LAMB3: variants seen among roughly 807,000 people sequenced by gnomAD.
LAMB3 encodes laminin subunit beta-3.
LAMB3 carries 104 observed loss-of-function variants against 140.3 expected under a neutral mutation model. That is an observed-to-expected ratio of 0.74 (90% CI 0.63 to 0.87). The LOEUF (loss-of-function observed/expected upper bound fraction) is 0.87. Ranked by LOEUF, LAMB3 falls within the 40% of genes least tolerant of loss-of-function variation. The probability of loss-of-function intolerance (pLI) is 0.00; values close to 1 mark genes in which losing one functional copy is unlikely to be tolerated. For missense variants in LAMB3, 1,531 were observed against 1,575.2 expected (o/e 0.97, Z 0.47); for synonymous variants, 592 against 602.9 (o/e 0.98, Z 0.26).
At chr1:209,643,202 T>C (rs1357840251) in intron 3 of LAMB3, among the ~76,000 whole-genome samples, 1 of 152,222 alleles carries the variant, frequency 6.6e-6, no homozygotes, top group East Asian at 1.9e-4. Context: ...TGGGTCTCAG[T>C]TTCCCTTTCT....
intron 11 of LAMB3, among the ~76,000 whole-genome samples, 176 bp downstream of exon 11, chr1:209,627,859 G>A (rs948891668): frequency 2.0e-5 from 3 of 152,252 alleles, no homozygotes; most frequent in Non-Finnish European, 4.4e-5. Context: ...CACAGCATCT[G>A]GCGCTGGGTA....
chr1:209,617,215 G>C (rs1665998840), intron 21 of LAMB3, among the ~76,000 whole-genome samples, 195 bp downstream of exon 21: 2 of 152,224 alleles, frequency 1.3e-5, no homozygotes, highest in Non-Finnish European at 2.9e-5. Context: ...CAGTGTCCCT[G>C]AGCCAGCTAT....
At chr1:209,645,545 G>C (rs1251104509) in intron 3 of LAMB3, among the ~76,000 whole-genome samples, 3 of 152,014 alleles carry the variant, frequency 2.0e-5, no homozygotes, top group Non-Finnish European at 4.4e-5. Flanking sequence ...GTGAAACCCT[G>C]TCTCTACTAA....
rs186819490 is a variant in LAMB3 at position 209,633,400 on chromosome 1, T to C, written c.565-267A>G. Among the ~76,000 whole-genome samples the C allele has an allele frequency of 2.0e-3, 304 of 152,000 alleles. 4 individuals are homozygous for C. The highest frequency in any genetic ancestry group is 1.7e-3 in the Non-Finnish European group (113 of 67,980). The stretch of plus-strand genomic sequence containing the variant: ...CTAAGAATTTTCTGAGTTCCCTGGG[T>C]CAAAAAGTATGGTAAGATATATCAT... On this transcript the variant is annotated intron_variant, in intron 6 of 22. Coordinates refer to ENST00000356082, the MANE Select transcript of LAMB3 (RefSeq NM_000228.3).
At position 209,632,695 on chromosome 1, in the gene LAMB3, G is replaced by T. The variant is rs1247717323; in HGVS notation, c.710C>A (p.Ala237Asp). ...VPQRGYHPPS[A>D]YYAVSQLRLQ... ...ACGGAGCTGGGACACAGCATAGTAG[G>T]CGCTGGGAGGGTGGTAGCCCCTTTG... The change falls in exon 8 of 23, where the codon GCC (alanine) becomes GAC (aspartate). Residue 237 changes from alanine (A) to aspartate (D), a missense_variant. Ala to Asp is a moderately radical substitution (Grantham distance 126, BLOSUM62 -2). Coordinates refer to ENST00000356082, the MANE Select transcript of LAMB3 (RefSeq NM_000228.3). 6.2e-7 allele frequency: 1 copy of T among 1,614,232 alleles called. No individual in the cohort carries two copies.
intron 3 of LAMB3, among the ~76,000 whole-genome samples, chr1:209,642,821 T>C (rs2076481815): frequency 6.6e-6 from 1 of 152,168 alleles, no homozygotes; most frequent in Non-Finnish European, 1.5e-5. Context: ...AACTTTTATA[T>C]TCAGGAGAGC....
chr1:209,630,754 G>T lies in LAMB3; in HGVS notation c.823-19C>A. 6.2e-7 allele frequency: 1 copy of T among 1,612,888 alleles called. No individual in the cohort carries two copies. Among genetic ancestry groups the T allele is most frequent in the Non-Finnish European group, 8.5e-7 (1 of 1,179,770 alleles). The stretch of plus-strand genomic sequence containing the variant: ...CGTGGACCTGGGAGGGGGACCGTCA[G>T]CCATCAGGAGTAATCAACAAAGAAG... On this transcript the variant is annotated intron_variant, in intron 8 of 22. Transcript: ENST00000356082.
chr1:209,615,134 A>G lies in LAMB3; in HGVS notation c.*137T>C, dbSNP rs549169984. On this transcript the variant is annotated 3_prime_UTR_variant, in exon 23 of 23. Transcript: ENST00000356082. ...GCAGCTCAGGGTAATCTTACTAGCTACACACCAGGGGTGGTCCAGGCTGTA... is the reference window on the plus strand; with the variant it reads ...GCAGCTCAGGGTAATCTTACTAGCTGCACACCAGGGGTGGTCCAGGCTGTA... 1.1e-5 allele frequency: 11 copies of G among 1,041,170 alleles called. No individual in the cohort carries two copies. The East Asian group carries it at 2.7e-4, about 26-fold the overall frequency. 64.5% of individuals were successfully genotyped at this position (1,041,170 alleles called of 1,614,324 possible). A position where few individuals can be genotyped will look rare whatever the true frequency, so the allele number is the denominator to read the frequency against.
At chr1:209,630,394 C>T (rs1666635237) in intron 9 of LAMB3, among the ~76,000 whole-genome samples, 1 of 152,134 alleles carries the variant, frequency 6.6e-6, no homozygotes, top group Admixed American at 6.5e-5. Flanking sequence ...CTGGAGAGGC[C>T]AGAAGAAGCA....
intron 3 of LAMB3, among the ~76,000 whole-genome samples, chr1:209,642,280 T>G (rs1268384053): frequency 6.6e-6 from 1 of 152,222 alleles, no homozygotes. Flanking sequence ...TATTTCCATT[T>G]AAAGGAATGT....
Position 209,628,827 on chromosome 1 carries a change from C to A in LAMB3, c.1133-637G>T, listed in dbSNP as rs76539606. Among the ~76,000 whole-genome samples the A allele has an allele frequency of 6.5e-3, 994 of 152,312 alleles. 74 individuals carry two copies. The East Asian group carries it at 0.16, about 24-fold the overall frequency. Reference sequence around the variant, plus strand: ...TTACTGAGCAACTACTCTGTGCCAACCACTGAACTGGGAACTGTCATATGT... The same window carrying A: ...TTACTGAGCAACTACTCTGTGCCAAACACTGAACTGGGAACTGTCATATGT... On this transcript the variant is annotated intron_variant, in intron 10 of 22. Transcript: ENST00000356082.
Position 209,623,830 on chromosome 1 carries a change from C to T in LAMB3, c.2137+10G>A, listed in dbSNP as rs746833171. Reference sequence around the variant, plus strand: ...CATGCCCGGGGTTATCCGGGTGCCCCTCTCCTCACCTGAAGGATCAGCACT... The same window carrying T: ...CATGCCCGGGGTTATCCGGGTGCCCTTCTCCTCACCTGAAGGATCAGCACT... On this transcript the variant is annotated intron_variant, in intron 15 of 22. Transcript: ENST00000356082. The surrounding 1 kb of genome is among the most constrained non-coding windows in gnomAD (Gnocchi z 4.2). 1.2e-6 allele frequency: 2 copies of T among 1,614,196 alleles called. No homozygotes were observed. Among genetic ancestry groups the T allele is most frequent in the Admixed American group, 3.3e-5 (2 of 60,030 alleles).
At chr1:209,620,160 T>G (rs1164009385) in intron 18 of LAMB3, among the ~76,000 whole-genome samples, 1 of 152,166 alleles carries the variant, frequency 6.6e-6, no homozygotes, top group Non-Finnish European at 1.5e-5. Flanking sequence ...GCCTTCTGGG[T>G]CTCAGGATGG....
chr1:209,638,989 C>T (rs769518716), intron 3 of LAMB3, among the ~76,000 whole-genome samples: 2 of 135,854 alleles, frequency 1.5e-5, no homozygotes, highest in Admixed American at 7.4e-5. Flanking sequence ...AAAAGGGGGG[C>T]GGGGGGAGAA....
chr1:209,651,904 G>A (rs561614431), intron 1 of LAMB3, among the ~76,000 whole-genome samples: 13 of 152,170 alleles, frequency 8.5e-5, no homozygotes, highest in African/African-American at 3.1e-4. Context: ...GGACATTTCT[G>A]GCATCTTTAA....
At chr1:209,643,493 T>A (rs1210362319) in intron 3 of LAMB3, among the ~76,000 whole-genome samples, 2 of 152,226 alleles carry the variant, frequency 1.3e-5, no homozygotes, top group Non-Finnish European at 2.9e-5. Flanking sequence ...GCCTTCTCCC[T>A]TATCCTAGAG....
At chr1:209,620,585 A>G (rs2102409463) in intron 18 of LAMB3, among the ~76,000 whole-genome samples, 1 of 152,356 alleles carries the variant, frequency 6.6e-6, no homozygotes, top group South Asian at 2.1e-4. Context: ...GGTGTGAATG[A>G]CAGAGTCAGA....
intron 3 of LAMB3, among the ~76,000 whole-genome samples, chr1:209,640,603 C>G (rs2076460106): frequency 6.6e-6 from 1 of 151,960 alleles, no homozygotes; most frequent in African/African-American, 2.4e-5. Context: ...CCACCTCCCA[C>G]CACTCACTGT....
At chr1:209,646,372 C>G (rs2076518166) in intron 3 of LAMB3, among the ~76,000 whole-genome samples, 2 of 152,170 alleles carry the variant, frequency 1.3e-5, no homozygotes, top group Non-Finnish European at 2.9e-5. Flanking sequence ...GAATAAACGG[C>G]AAAGGTTGAC....
Sources: gnomAD v4.1 joint callset for allele counts (sites outside exome capture counted in the v4.1 genomes callset) on GRCh38, gnomAD v4.1.1 for gene constraint, Gnocchi (gnomAD v3.1) non-coding constraint, MANE v1.5 for transcripts, NCBI Gene and HGNC (gene_info 2026-07-23, HGNC 2026-07-21) for gene names.